Variants in ZNF280C observed in about 807,000 individuals in gnomAD.
ZNF280C encodes the protein suppressor of hairy wing homolog 3.
A neutral mutation model predicts 53.6 loss-of-function variants in ZNF280C; 14 were observed. The observed-to-expected ratio is 0.26, with a 90% confidence interval of 0.17 to 0.41. The LOEUF (loss-of-function observed/expected upper bound fraction) is 0.41. ZNF280C is among the 10% of genes least tolerant of loss of function. The pLI, the probability that ZNF280C is intolerant of heterozygous loss-of-function variation, is 1.00. For missense variants in ZNF280C, 416 were observed against 547.1 expected, an observed-to-expected ratio of 0.76 and a Z score of 2.39; for synonymous variants, 203 against 181.1, an observed-to-expected ratio of 1.12 and a Z score of -0.97.
At chrX:130,263,295 AAAC>A (rs1433415527) in intron 1 of ZNF280C, among the ~76,000 whole-genome samples, 2 of 112,789 alleles carry the variant, frequency 1.8e-5, no homozygotes, top group Non-Finnish European at 3.7e-5. Context: ...CAAAAAGTGG[AAAC>A]AACTCAAATA....
chrX:130,216,284 G>C, intron 13 of ZNF280C, among the ~76,000 whole-genome samples, 183 bp from the exon 14 acceptor site: 1 of 111,501 alleles, frequency 9.0e-6, no homozygotes, highest in East Asian at 2.8e-4. Flanking sequence ...ATGTGCAAAA[G>C]AATGAATTTG....
chrX:130,266,846 T>C (rs888658274), intron 1 of ZNF280C, among the ~76,000 whole-genome samples: 4 of 111,758 alleles, frequency 3.6e-5, no homozygotes, highest in African/African-American at 1.3e-4. Flanking sequence ...CTCACTCCTG[T>C]AATCCCAGCA....
intron 15 of ZNF280C, among the ~76,000 whole-genome samples, chrX:130,213,599 C>T (rs1175014924): frequency 3.6e-5 from 4 of 111,601 alleles, no homozygotes; most frequent in African/African-American, 1.3e-4. Flanking sequence ...AAACAGAAGA[C>T]CTTGAGGGCA....
At chrX:130,262,994 AC>A (rs1445025860) in intron 1 of ZNF280C, among the ~76,000 whole-genome samples, 2 of 112,679 alleles carry the variant, frequency 1.8e-5, no homozygotes, top group East Asian at 5.5e-4. Context: ...CAATAAAAAA[AC>A]ATTTAAATAG....
chrX:130,242,237 C>T (rs745639864), intron 5 of ZNF280C, among the ~76,000 whole-genome samples: 1 of 108,417 alleles, frequency 9.2e-6, no homozygotes, highest in South Asian at 4.0e-4. Flanking sequence ...AGCAAGACAC[C>T]GTCTCAAAAA....
At chrX:130,212,551 A>G (rs1295086071) in intron 15 of ZNF280C, among the ~76,000 whole-genome samples, 1 of 102,161 alleles carries the variant, frequency 9.8e-6, no homozygotes, top group Admixed American at 1.1e-4. Flanking sequence ...AATAATGAGT[A>G]CATCCAGTAG....
chrX:130,221,404 G>A (rs1481742193), intron 12 of ZNF280C, among the ~76,000 whole-genome samples: 1 of 111,305 alleles, frequency 9.0e-6, no homozygotes, highest in Non-Finnish European at 1.9e-5. Flanking sequence ...TCAGTTTCAT[G>A]GCTTTAAATA....
At chrX:130,218,822 T>C (rs753895127) in intron 13 of ZNF280C, among the ~76,000 whole-genome samples, 1 of 111,689 alleles carries the variant, frequency 9.0e-6, no homozygotes, top group East Asian at 2.8e-4. Flanking sequence ...ATAAAATGTA[T>C]GGAAAGGCAC....
Position 130,230,614 on chromosome X carries a change from A to G in ZNF280C, c.885T>C (p.Asn295=). The change falls in exon 9 of 19, where the codon AAT becomes AAC. Residue 295 remains asparagine (N), a synonymous_variant. Coordinates refer to ENST00000370978, the MANE Select transcript of ZNF280C (RefSeq NM_017666.5). ...SETGKLIMLV[N]EFYYGRHEGV... is the part of the protein sequence containing the mutation. ...CTTCATGCCTTCCATAATAAAACTC[A>G]TTGACTAACATGATCAACTTTCCTG... 1 of 1,208,227 alleles carries G rather than the reference A, an allele frequency of 8.3e-7. No individual in the cohort carries two copies. Among genetic ancestry groups the G allele is most frequent in the East Asian group, 3.0e-5 (1 of 33,787 alleles).
rs1372940205 is a variant in ZNF280C at position 130,202,762 on chromosome X, A to G, written c.*2215T>C. On this transcript the variant is annotated 3_prime_UTR_variant, in exon 19 of 19. Coordinates refer to ENST00000370978, the MANE Select transcript of ZNF280C (RefSeq NM_017666.5). ...TTTCCAAGGCACTTTAACAATACAA[A>G]TTTTATTAAAAAAATAACATCAAAA... 9.0e-6 allele frequency: 1 copy of G among 111,191 alleles called. No individual in the cohort carries two copies. Among genetic ancestry groups the G allele is most frequent in the East Asian group, 2.8e-4 (1 of 3,590 alleles). 9.2% of individuals were successfully genotyped at this position (111,191 alleles called of 1,213,427 possible).
intron 15 of ZNF280C, among the ~76,000 whole-genome samples, chrX:130,214,279 G>A (rs1339077992): frequency 8.9e-6 from 1 of 111,867 alleles, no homozygotes; most frequent in Non-Finnish European, 1.9e-5. Context: ...CTTGTGTAGA[G>A]TAGACCATAG....
At chrX:130,263,475 T>TTCA (rs2032652658) in intron 1 of ZNF280C, among the ~76,000 whole-genome samples, 1 of 112,125 alleles carries the variant, frequency 8.9e-6, no homozygotes, top group Non-Finnish European at 1.9e-5. Flanking sequence ...TATTGTATGA[T>TTCA]TTCATTCATA....
rs2031963153 is a variant in ZNF280C at position 130,205,497 on chromosome X, A to G, written c.2043-82T>C. The G allele has an allele frequency of 1.1e-5, 7 of 648,567 alleles. No homozygotes were observed. In the Admixed American group the frequency reaches 2.4e-4, roughly 23 times the overall value. The allele number at this position is 648,567 out of a possible 1,213,427, so 53.4% of individuals were successfully genotyped here. On this transcript the variant is annotated intron_variant, in intron 16 of 18. Coordinates refer to ENST00000370978, the MANE Select transcript of ZNF280C (RefSeq NM_017666.5). ...GAGCTCAATAATTACTTTTCCATGT[A>G]CTAACTTGATTTGCATTTTAGTCTC...
intron 15 of ZNF280C, among the ~76,000 whole-genome samples, chrX:130,210,793 T>C (rs928764695): frequency 3.6e-5 from 4 of 112,532 alleles, no homozygotes; most frequent in African/African-American, 1.3e-4. Flanking sequence ...AGCCTTCCTG[T>C]GTTAGACAAC....
chrX:130,229,588 G>C (rs1918644125), intron 9 of ZNF280C, among the ~76,000 whole-genome samples: 1 of 111,853 alleles, frequency 8.9e-6, no homozygotes, highest in African/African-American at 3.2e-5. Context: ...ACAAACTGCT[G>C]GTATATTTTT....
intron 8 of ZNF280C, among the ~76,000 whole-genome samples, chrX:130,231,949 C>T (rs759386755): frequency 6.5e-5 from 7 of 108,276 alleles, no homozygotes; most frequent in African/African-American, 2.4e-4. Flanking sequence ...ATTGCTTGAA[C>T]CCGTAAGGCG....
rs2032454799 is a variant in ZNF280C at position 130,246,783 on chromosome X, G to A, written c.178+76C>T. 5.4e-6 allele frequency: 6 copies of A among 1,103,178 alleles called. No individual in the cohort carries two copies. The Admixed American group carries it at 9.7e-5, about 18-fold the overall frequency. The allele number at this position is 1,103,178 out of a possible 1,213,427, so 90.9% of individuals were successfully genotyped here. A position where few individuals can be genotyped will look rare whatever the true frequency, so the allele number is the denominator to read the frequency against. On this transcript the variant is annotated intron_variant, in intron 3 of 18. Coordinates refer to ENST00000370978, the MANE Select transcript of ZNF280C (RefSeq NM_017666.5). Reference sequence around the variant, plus strand: ...CCTTACAGAAGAACAACAGTATGAAGGACAGATATCTCATATATTTTCCAT... The same window carrying A: ...CCTTACAGAAGAACAACAGTATGAAAGACAGATATCTCATATATTTTCCAT...
intron 15 of ZNF280C, among the ~76,000 whole-genome samples, chrX:130,213,243 T>C (rs768839559): frequency 2.7e-5 from 3 of 111,329 alleles, no homozygotes; most frequent in Non-Finnish European, 5.7e-5. Context: ...CGTGGTGGCG[T>C]GTGCCTGTAG....
Position 130,203,468 on chromosome X carries a change from A to G in ZNF280C, c.*1509T>C, listed in dbSNP as rs937716529. On this transcript the variant is annotated 3_prime_UTR_variant, in exon 19 of 19. Coordinates refer to ENST00000370978, the MANE Select transcript of ZNF280C (RefSeq NM_017666.5). Reference sequence around the variant, plus strand: ...TCAGGAGATCGAGACCATCCTGGCTAACATGGTGAAACCCTGTCTCTACTA... The same window carrying G: ...TCAGGAGATCGAGACCATCCTGGCTGACATGGTGAAACCCTGTCTCTACTA... 9.0e-6 allele frequency: 1 copy of G among 111,141 alleles called. No homozygotes were observed. The highest frequency in any genetic ancestry group is 1.9e-5 in the Non-Finnish European group (1 of 53,030). The allele number at this position is 111,141 out of a possible 1,213,427, so 9.2% of individuals were successfully genotyped here.
Sources: gnomAD v4.1 joint callset for allele counts (sites outside exome capture counted in the v4.1 genomes callset) on GRCh38, gnomAD v4.1.1 for gene constraint, MANE v1.5 for transcripts, NCBI Gene and HGNC (gene_info 2026-07-23, HGNC 2026-07-21) for gene names.